The following MED13L variants were observed in gnomAD, a reference collection of about 807,000 sequenced individuals.
MED13L encodes mediator complex subunit 13L, also known as mediator of RNA polymerase II transcription subunit 13-like.
In MED13L, 7 loss-of-function variants were observed where a neutral mutation model predicts 220.9. That is an observed-to-expected ratio of 0.03 (90% CI 0.02 to 0.06). The LOEUF (loss-of-function observed/expected upper bound fraction) is 0.06. MED13L is among the 10% of genes least tolerant of loss of function. The pLI is 1.00. For missense variants in MED13L, 1,965 were observed against 2,760.5 expected, an observed-to-expected ratio of 0.71 and a Z score of 6.46; for synonymous variants, 1,011 against 1,015.2, an observed-to-expected ratio of 1.00 and a Z score of 0.08.
At position 116,277,225 on chromosome 12, in the gene MED13L, G is replaced by C. The variant is rs1280413173; in HGVS notation, c.-94C>G. Reference sequence around the variant, plus strand: ...GGGCGGCGGCGCCTCGCCGGGGAGCGCGGGGCGGCCGGGCCGCCGCCGCCG... The same window carrying C: ...GGGCGGCGGCGCCTCGCCGGGGAGCCCGGGGCGGCCGGGCCGCCGCCGCCG... On this transcript the variant is annotated 5_prime_UTR_variant, in exon 1 of 31. Coordinates refer to ENST00000281928, the MANE Select transcript of MED13L (RefSeq NM_015335.5). 5 of 678,618 alleles carry C rather than the reference G, an allele frequency of 7.4e-6. No homozygotes were observed. In the East Asian group the frequency reaches 7.3e-4, roughly 99 times the overall value. 42.0% of individuals were successfully genotyped at this position (678,618 alleles called of 1,614,324 possible).
intron 2 of MED13L, among the ~76,000 whole-genome samples, chr12:116,140,843 A>G (rs1033248196): frequency 6.6e-6 from 1 of 152,224 alleles, no homozygotes; most frequent in Non-Finnish European, 1.5e-5. Context: ...CTCTGTAGGA[A>G]AAGTGGCTGA....
chr12:116,229,702 A>G (rs1869364331), intron 2 of MED13L, among the ~76,000 whole-genome samples: 1 of 152,228 alleles, frequency 6.6e-6, no homozygotes, highest in South Asian at 2.1e-4. Context: ...AACTGAGATT[A>G]TGATCTTACC....
intron 19 of MED13L, 35 bp from the exon 20 acceptor site, chr12:115,984,407 G>A (rs1444905636): frequency 5.0e-6 from 8 of 1,608,570 alleles, no homozygotes; most frequent in African/African-American, 1.3e-5. Context: ...GTTATAACAG[G>A]AGCCATTCCT....
chr12:116,069,175 A>G (rs911667057), intron 4 of MED13L, among the ~76,000 whole-genome samples: 1 of 152,186 alleles, frequency 6.6e-6, no homozygotes, highest in Admixed American at 6.5e-5. Flanking sequence ...GAGCAGCCCT[A>G]TTAAAGATGA....
At chr12:116,184,260 A>C (rs1464953628) in intron 2 of MED13L, among the ~76,000 whole-genome samples, 1 of 152,228 alleles carries the variant, frequency 6.6e-6, no homozygotes, top group Non-Finnish European at 1.5e-5. Flanking sequence ...CAGTAAATTC[A>C]GTGGATGATA....
chr12:116,222,095 A>G (rs1294696391), intron 2 of MED13L, among the ~76,000 whole-genome samples: 1 of 152,244 alleles, frequency 6.6e-6, no homozygotes, highest in Non-Finnish European at 1.5e-5. Flanking sequence ...CTTATTTAGC[A>G]TCTAAAATCA....
At chr12:116,075,530 T>A (rs1337784909) in intron 4 of MED13L, among the ~76,000 whole-genome samples, 1 of 152,242 alleles carries the variant, frequency 6.6e-6, no homozygotes, top group African/African-American at 2.4e-5. Flanking sequence ...ACACTGGACA[T>A]AATTTATGTA....
At chr12:115,987,497 A>G (rs1224186503) in intron 17 of MED13L, among the ~76,000 whole-genome samples, 1 of 152,196 alleles carries the variant, frequency 6.6e-6, no homozygotes, top group Non-Finnish European at 1.5e-5. Flanking sequence ...CAATAATAAA[A>G]GGGGAAATGG....
intron 17 of MED13L, among the ~76,000 whole-genome samples, chr12:115,990,420 C>T (rs915333193): frequency 3.3e-5 from 5 of 152,244 alleles, no homozygotes; most frequent in Admixed American, 2.6e-4. Flanking sequence ...CATTTTATCC[C>T]CCATGATGCA....
chr12:116,166,616 T>C (rs1476465638), intron 2 of MED13L, among the ~76,000 whole-genome samples: 1 of 152,116 alleles, frequency 6.6e-6, no homozygotes, highest in Non-Finnish European at 1.5e-5. Flanking sequence ...ACCATTTTTC[T>C]GGCCTCTTAT....
At chr12:116,251,954 A>T (rs1437107368) in intron 1 of MED13L, among the ~76,000 whole-genome samples, 1 of 152,092 alleles carries the variant, frequency 6.6e-6, no homozygotes, top group South Asian at 2.1e-4. Context: ...AAGGAAAAAA[A>T]ACTGTAATGA....
intron 1 of MED13L, 28 bp from the exon 2 acceptor site, chr12:116,237,733 T>C: frequency 6.3e-7 from 1 of 1,591,200 alleles, no homozygotes; most frequent in Non-Finnish European, 8.6e-7. Flanking sequence ...ATTGTAATCG[T>C]TTTCTCATTT....
intron 10 of MED13L, 60 bp downstream of exon 10, chr12:116,008,341 A>T: frequency 6.5e-7 from 1 of 1,541,382 alleles, no homozygotes; most frequent in South Asian, 1.3e-5. Context: ...GCAGGTAGAG[A>T]TGGGGAGGGA....
At chr12:116,124,158 CAGAGAG>C (rs1298137649) in intron 2 of MED13L, among the ~76,000 whole-genome samples, 1 of 115,464 alleles carries the variant, frequency 8.7e-6, no homozygotes, top group Non-Finnish European at 1.9e-5. Flanking sequence ...GAGACAGAGA[CAGAGAG>C]AGACAGAGAG....
intron 7 of MED13L, among the ~76,000 whole-genome samples, chr12:116,017,323 G>A (rs984893618): frequency 6.6e-6 from 1 of 152,132 alleles, no homozygotes; most frequent in Non-Finnish European, 1.5e-5. Context: ...TTACACAGCA[G>A]GCCTTCAATT....
At chr12:116,276,327 TGTGTGTGTGTGTGTGTGTGTGTGTGC>T in intron 1 of MED13L, 1 of 495,730 alleles carries the variant, frequency 2.0e-6, no homozygotes. Flanking sequence ...TGTGTGTGTG[TGTGTGTGTGTGTGTGTGTGTGTGTGC>T]GGATTCGTTG....
intron 4 of MED13L, among the ~76,000 whole-genome samples, chr12:116,046,286 G>A (rs1216167653): frequency 6.6e-6 from 1 of 151,958 alleles, no homozygotes; most frequent in Non-Finnish European, 1.5e-5. Flanking sequence ...AAAGATGTTT[G>A]TCAAGATAAA....
intron 26 of MED13L, among the ~76,000 whole-genome samples, chr12:115,971,148 T>C (rs868254433): frequency 1.3e-5 from 2 of 152,186 alleles, no homozygotes; most frequent in African/African-American, 4.8e-5. Context: ...ATAAAATCAA[T>C]ACATGTTATA....
intron 10 of MED13L, chr12:116,007,842 A>T: frequency 1.7e-6 from 1 of 573,336 alleles, no homozygotes; most frequent in Non-Finnish European, 3.1e-6. Flanking sequence ...TTAAGAGCAC[A>T]GGTTCTCAGG....
Sources: gnomAD v4.1 joint callset for allele counts (sites outside exome capture counted in the v4.1 genomes callset) on GRCh38, gnomAD v4.1.1 for gene constraint, MANE v1.5 for transcripts, NCBI Gene and HGNC (gene_info 2026-07-23, HGNC 2026-07-21) for gene names.